Variants in PBX3 observed in about 807,000 individuals in gnomAD.
The protein encoded by PBX3 is PBX homeobox 3.
A neutral mutation model predicts 48.5 loss-of-function variants in PBX3; 14 were observed. That is an observed-to-expected ratio of 0.29 (90% CI 0.19 to 0.45). The LOEUF (loss-of-function observed/expected upper bound fraction) is 0.45. PBX3 is among the 20% of genes least tolerant of loss of function. PBX3 has a pLI of 1.00. For synonymous variants in PBX3, 210 were observed against 200.3 expected (o/e 1.05, Z -0.41); for missense variants, 386 against 546.7 (o/e 0.71, Z 2.93).
chr9:125,762,532 A>G (rs931206221), intron 2 of PBX3, among the ~76,000 whole-genome samples: 2 of 152,174 alleles, frequency 1.3e-5, no homozygotes, highest in Admixed American at 6.5e-5. Context: ...TCCCCCTGCC[A>G]TTATTCGGTG....
chr9:125,857,216 T>G (rs1839746343), intron 2 of PBX3, among the ~76,000 whole-genome samples: 2 of 152,180 alleles, frequency 1.3e-5, no homozygotes, highest in Admixed American at 6.5e-5. Flanking sequence ...ACAAAGTGCT[T>G]GGGACCAGAA....
intron 2 of PBX3, among the ~76,000 whole-genome samples, chr9:125,750,071 C>T (rs1205185506): frequency 6.6e-6 from 1 of 152,150 alleles, no homozygotes; most frequent in Non-Finnish European, 1.5e-5. Flanking sequence ...AGACATCTAG[C>T]ATTCAGTCTT....
intron 2 of PBX3, among the ~76,000 whole-genome samples, chr9:125,755,214 A>C (rs947564309): frequency 2.0e-5 from 3 of 152,014 alleles, no homozygotes; most frequent in African/African-American, 2.4e-5. Flanking sequence ...ATAAAATTTT[A>C]TTTCAAATTC....
At chr9:125,784,326 G>A (rs773746770) in intron 2 of PBX3, among the ~76,000 whole-genome samples, 38 of 151,908 alleles carry the variant, frequency 2.5e-4, no homozygotes, top group Non-Finnish European at 4.4e-4. Context: ...ACGGGGTTTC[G>A]CCATGTTGGC....
At chr9:125,883,675 C>T (rs1444877836) in intron 2 of PBX3, among the ~76,000 whole-genome samples, 1 of 151,768 alleles carries the variant, frequency 6.6e-6, no homozygotes, top group Non-Finnish European at 1.5e-5. Flanking sequence ...CTATTTCAAA[C>T]TGTGATGGGG....
intron 3 of PBX3, among the ~76,000 whole-genome samples, chr9:125,926,798 T>A (rs1841588604): frequency 6.6e-6 from 1 of 152,184 alleles, no homozygotes; most frequent in East Asian, 1.9e-4. Flanking sequence ...ACAGCCTGGG[T>A]AACAAGAGCT....
At chr9:125,785,322 G>T (rs141047847) in intron 2 of PBX3, among the ~76,000 whole-genome samples, 1 of 152,334 alleles carries the variant, frequency 6.6e-6, no homozygotes, top group Non-Finnish European at 1.5e-5. Context: ...TACCCTCAGC[G>T]TGGGTGGGCA....
intron 2 of PBX3, among the ~76,000 whole-genome samples, chr9:125,889,148 C>T (rs1332339671): frequency 6.6e-6 from 1 of 152,220 alleles, no homozygotes; most frequent in Non-Finnish European, 1.5e-5. Flanking sequence ...TCTTAGCATC[C>T]CCAGGAACGT....
intron 2 of PBX3, among the ~76,000 whole-genome samples, chr9:125,753,474 C>T (rs986689310): frequency 2.0e-5 from 3 of 151,936 alleles, no homozygotes; most frequent in African/African-American, 7.2e-5. Flanking sequence ...GGTTTAGAAC[C>T]TCATGATCTA....
intron 2 of PBX3, among the ~76,000 whole-genome samples, chr9:125,788,397 A>C (rs1379450924): frequency 6.6e-6 from 1 of 152,246 alleles, no homozygotes; most frequent in African/African-American, 2.4e-5. Context: ...GACATATCCC[A>C]AAACCCATTG....
intron 2 of PBX3, among the ~76,000 whole-genome samples, chr9:125,885,152 G>A (rs1840468583): frequency 6.6e-6 from 1 of 152,044 alleles, no homozygotes; most frequent in Non-Finnish European, 1.5e-5. Context: ...TTGGGAAAAG[G>A]ATGCATTTGT....
intron 6 of PBX3, 93 bp downstream of exon 6, chr9:125,960,942 G>T (rs62570472): frequency 0.66 from 830,022 of 1,252,974 alleles, 281,673 homozygotes; most frequent in South Asian, 0.73. Context: ...CCATACTGAG[G>T]ACAGAGTGGA....
chr9:125,856,038 G>A (rs1296937411), intron 2 of PBX3, among the ~76,000 whole-genome samples: 2 of 151,380 alleles, frequency 1.3e-5, no homozygotes, highest in African/African-American at 4.9e-5. Context: ...ATATAAATAG[G>A]CCCAAACCAT....
rs548320553 is a variant in PBX3 at position 125,802,344 on chromosome 9, T to C, written c.274+53721T>C. On this transcript the variant is annotated intron_variant, in intron 2 of 8. Coordinates refer to ENST00000373489, the MANE Select transcript of PBX3 (RefSeq NM_006195.6). ...GTATATAATGTTTAGCTTCTACTTGTGAGAACATTAGTGCATTTTTTTTTT... is the reference window on the plus strand; with the variant it reads ...GTATATAATGTTTAGCTTCTACTTGCGAGAACATTAGTGCATTTTTTTTTT... Among the ~76,000 whole-genome samples the C allele has an allele frequency of 2.7e-4, 37 of 139,228 alleles. No homozygotes were observed. In the South Asian group the frequency reaches 7.9e-3, roughly 30 times the overall value. The allele number at this position is 139,228 out of a possible 152,430, so 91.3% of individuals were successfully genotyped here.
At chr9:125,765,624 T>C (rs1443307163) in intron 2 of PBX3, among the ~76,000 whole-genome samples, 1 of 152,194 alleles carries the variant, frequency 6.6e-6, no homozygotes, top group East Asian at 1.9e-4. Context: ...TTTTAGTGTA[T>C]TATTTATATT....
chr9:125,899,274 C>CAT lies in PBX3; in HGVS notation c.275-16409_275-16408dup, dbSNP rs1278322848. 1.3e-4 allele frequency among the ~76,000 whole-genome samples: 14 copies of CAT among 104,506 alleles called. No individual in the cohort carries two copies. In the South Asian group the frequency reaches 2.9e-3, roughly 22 times the overall value. The allele number at this position is 104,506 out of a possible 152,430, so 68.6% of individuals were successfully genotyped here. ...GTATATATATTTATATATAAATATACATATGTATATATATTTATATATAAA... is the reference window on the plus strand; with the variant it reads ...GTATATATATTTATATATAAATATACATATATGTATATATATTTATATATAAA... On this transcript the variant is annotated intron_variant, in intron 2 of 8. Coordinates refer to ENST00000373489, the MANE Select transcript of PBX3 (RefSeq NM_006195.6).
chr9:125,925,856 G>T, intron 3 of PBX3, among the ~76,000 whole-genome samples: 1 of 152,148 alleles, frequency 6.6e-6, no homozygotes, highest in Non-Finnish European at 1.5e-5. Flanking sequence ...GAAAAAGTTG[G>T]ATATGCTATT....
chr9:125,956,727 C>T (rs1428143691), intron 5 of PBX3, among the ~76,000 whole-genome samples: 1 of 152,224 alleles, frequency 6.6e-6, no homozygotes, highest in Non-Finnish European at 1.5e-5. Context: ...GCCTTGGGCA[C>T]AATCCAGAGT....
At chr9:125,792,994 G>A (rs921004996) in intron 2 of PBX3, among the ~76,000 whole-genome samples, 9 of 151,790 alleles carry the variant, frequency 5.9e-5, no homozygotes, top group East Asian at 2.0e-4. Context: ...CACCGCGCCC[G>A]GCCGAGGTAT....
Sources: allele counts gnomAD v4.1 joint callset (sites outside exome capture counted in the v4.1 genomes callset), GRCh38; gene constraint gnomAD v4.1.1; transcripts MANE v1.5; gene names NCBI Gene and HGNC (gene_info 2026-07-23, HGNC 2026-07-21).